The following SYT12 variants were observed in gnomAD, a reference collection of about 807,000 sequenced individuals.
The protein encoded by SYT12 is synaptotagmin 12, also known as synaptotagmin-12.
A neutral mutation model predicts 39.5 loss-of-function variants in SYT12; 27 were observed. The ratio of observed to expected loss-of-function variants is 0.68; its 90% CI spans 0.50 to 0.94. SYT12 has a LOEUF of 0.94. SYT12 is among the 40% of genes least tolerant of loss of function. The probability of loss-of-function intolerance (pLI) is 0.00; values close to 1 mark genes in which losing one functional copy is unlikely to be tolerated. For missense variants in SYT12, 536 were observed against 572.6 expected, an observed-to-expected ratio of 0.94 and a Z score of 0.65; for synonymous variants, 233 against 239.7, an observed-to-expected ratio of 0.97 and a Z score of 0.26.
chr11:67,037,959 G>C lies in SYT12; in HGVS notation c.229-1852G>C, dbSNP rs565364885. On this transcript the variant is annotated intron_variant, in intron 3 of 7. Transcript: ENST00000527043. ...GGTCCTGGACACTTGGGAGAGTGAG[G>C]GGGGAGGATCGCTTGGGCCCAGAAG... is the stretch of plus-strand genomic sequence containing the variant. 1.8e-3 allele frequency among the ~76,000 whole-genome samples: 268 copies of C among 151,046 alleles called. 1 individual carries two copies. The highest frequency in any genetic ancestry group is 0.017 in the Middle Eastern group (5 of 294).
upstream of SYT12, chr11:67,021,778 G>A (rs536752149): frequency 1.3e-5 from 2 of 152,212 alleles, no homozygotes; most frequent in East Asian, 3.9e-4. Flanking sequence ...TGTGAAGGTT[G>A]AGTTAAATGG....
In SYT12 at chr11:67,023,232, C is replaced by T. The variant is rs1950133264; in HGVS notation, c.-252C>T. Reference sequence around the variant, plus strand: ...GCAAGCGGGCGAGCGCGAGGGAGCGCGCGGCGGGCTCCTGGGAGCGTGCCC... The same window carrying T: ...GCAAGCGGGCGAGCGCGAGGGAGCGTGCGGCGGGCTCCTGGGAGCGTGCCC... On this transcript the variant is annotated 5_prime_UTR_variant, in exon 1 of 8. Transcript: ENST00000527043. The T allele has an allele frequency of 6.6e-6, 1 of 151,390 alleles. No individual in the cohort carries two copies. The highest frequency in any genetic ancestry group is 1.5e-5 in the Non-Finnish European group (1 of 67,822). 9.4% of individuals were successfully genotyped at this position (151,390 alleles called of 1,614,324 possible).
chr11:67,039,653 T>C (rs925410626), intron 3 of SYT12, among the ~76,000 whole-genome samples, 158 bp from the exon 4 acceptor site: 4 of 151,974 alleles, frequency 2.6e-5, no homozygotes, highest in African/African-American at 7.3e-5. Flanking sequence ...TGAAATAATA[T>C]TAAACAGCGA....
At position 67,049,917 on chromosome 11, in the gene SYT12, G is replaced by A. The variant is rs1160528975; in HGVS notation, c.*1160G>A. 6.6e-6 allele frequency: 1 copy of A among 152,252 alleles called. No homozygotes were observed. Among genetic ancestry groups the A allele is most frequent in the Non-Finnish European group, 1.5e-5 (1 of 68,058 alleles). 9.4% of individuals were successfully genotyped at this position (152,252 alleles called of 1,614,324 possible). A position where few individuals can be genotyped will look rare whatever the true frequency, so the allele number is the denominator to read the frequency against. On this transcript the variant is annotated 3_prime_UTR_variant, in exon 8 of 8. Transcript: ENST00000527043. ...GGTGCCCCCGACACCGGGTCTCCTAGCTTGAGTTCCCTAGAAGCGAAATCT... is the reference window on the plus strand; with the variant it reads ...GGTGCCCCCGACACCGGGTCTCCTAACTTGAGTTCCCTAGAAGCGAAATCT...
At chr11:67,007,955 CTT>C (rs747885357) in intron 1 of SYT12, among the ~76,000 whole-genome samples, 79 of 137,062 alleles carry the variant, frequency 5.8e-4, no homozygotes, top group African/African-American at 1.8e-3. Context: ...GAAGCCCTAA[CTT>C]TTTTTTTTTT....
rs900841277 is a variant in SYT12, at chr11:67,049,170, T to G, written c.*413T>G. On this transcript the variant is annotated 3_prime_UTR_variant, in exon 8 of 8. Coordinates refer to ENST00000527043, the MANE Select transcript of SYT12 (RefSeq NM_177963.4). ...CCCCTGCCCCGGAGGATCTGCTCAG[T>G]GCTGATGGCAGCCCAGCTGTGTGGA... is the stretch of plus-strand genomic sequence containing the variant. 1 of 165,524 alleles carries G rather than the reference T, an allele frequency of 6.0e-6. No homozygotes were observed. The highest frequency in any genetic ancestry group is 1.3e-5 in the Non-Finnish European group (1 of 75,900). The allele number at this position is 165,524 out of a possible 1,614,324, so 10.3% of individuals were successfully genotyped here. A position where few individuals can be genotyped will look rare whatever the true frequency, so the allele number is the denominator to read the frequency against.
chr11:67,043,901 T>C, intron 5 of SYT12, 48 bp downstream of exon 5: 7 of 1,556,750 alleles, frequency 4.5e-6, no homozygotes, highest in Non-Finnish European at 6.2e-6. Context: ...TGCACACACA[T>C]ACACTTCCAG....
At chr11:67,024,513 A>T (rs1194213526) in intron 1 of SYT12, among the ~76,000 whole-genome samples, 1 of 152,096 alleles carries the variant, frequency 6.6e-6, no homozygotes, top group East Asian at 1.9e-4. Context: ...GACAAATAAA[A>T]CACATCTGTA....
chr11:67,030,004 C>A, intron 1 of SYT12, 118 bp from the exon 2 acceptor site: 1 of 779,032 alleles, frequency 1.3e-6, no homozygotes, highest in Non-Finnish European at 2.1e-6. Flanking sequence ...GGTGGCACTC[C>A]CCTTATAGCT....
upstream of SYT12, among the ~76,000 whole-genome samples, chr11:67,018,588 C>T (rs564605037): frequency 4.6e-4 from 70 of 151,436 alleles, no homozygotes; most frequent in Non-Finnish European, 7.8e-4. Flanking sequence ...TTTGGGAGGC[C>T]GAGGCAGGCG....
intron 1 of SYT12, among the ~76,000 whole-genome samples, chr11:67,009,353 G>A (rs749473684): frequency 6.6e-6 from 1 of 151,922 alleles, no homozygotes; most frequent in Non-Finnish European, 1.5e-5. Context: ...GAGGGCAGTG[G>A]CTCGATCTTG....
intron 3 of SYT12, among the ~76,000 whole-genome samples, chr11:67,014,128 T>C (rs1321434158): frequency 1.3e-5 from 2 of 152,224 alleles, no homozygotes; most frequent in Non-Finnish European, 2.9e-5. Flanking sequence ...TGATTACAGC[T>C]TGAGATCCTT....
chr11:67,029,985 C>G, intron 1 of SYT12, 137 bp from the exon 2 acceptor site: 1 of 652,598 alleles, frequency 1.5e-6, no homozygotes, highest in Non-Finnish European at 2.6e-6. Flanking sequence ...AAATGCCAAG[C>G]CTCCCTTTGG....
At chr11:67,047,827 G>C (rs1020005671) in intron 7 of SYT12, among the ~76,000 whole-genome samples, 1 of 111,900 alleles carries the variant, frequency 8.9e-6, no homozygotes, top group African/African-American at 3.5e-5. Flanking sequence ...TCGCTCTTTC[G>C]CCCAGGCTGG....
rs144744587 is a variant in SYT12 at position 67,045,806 on chromosome 11, G to A, written c.1021G>A (p.Val341Met). 54 of 1,613,748 alleles carry A rather than the reference G, an allele frequency of 3.3e-5. No homozygotes were observed. Among genetic ancestry groups the A allele is most frequent in the Non-Finnish European group, 4.1e-5 (48 of 1,179,970 alleles). Residue 341 changes from valine to methionine, a missense_variant, in exon 7 of 8, where the codon GTG becomes ATG. Transcript: ENST00000527043. ...GRKMSKKKTA[V>M]KRDDPNPVFN... ...GAAGATGAGCAAAAAGAAGACAGCC[G>A]TGAAGAGGGATGACCCCAACCCGGT...
chr11:67,048,264 G>A (rs1258539728), intron 7 of SYT12, among the ~76,000 whole-genome samples: 1 of 142,332 alleles, frequency 7.0e-6, no homozygotes, highest in Non-Finnish European at 1.5e-5. Context: ...GAGTGAGACT[G>A]TCTCAAAAAA....
intron 1 of SYT12, among the ~76,000 whole-genome samples, chr11:67,008,023 G>A (rs1026917045): frequency 2.7e-5 from 4 of 149,248 alleles, no homozygotes; most frequent in Non-Finnish European, 5.9e-5. Flanking sequence ...GCCTGATCTC[G>A]GCTCAGTGCA....
chr11:67,040,174 C>G lies in SYT12; in HGVS notation c.592C>G (p.Pro198Ala). 1 of 1,588,862 alleles carries G rather than the reference C, an allele frequency of 6.3e-7. No individual in the cohort carries two copies. The highest frequency in any genetic ancestry group is 8.6e-7 in the Non-Finnish European group (1 of 1,164,316). Residue 198 changes from proline to alanine, a missense_variant, in exon 4 of 8, where the codon CCG becomes GCG. By Grantham distance (27) the Pro-to-Ala change is conservative (BLOSUM62 -1). Coordinates refer to ENST00000527043, the MANE Select transcript of SYT12 (RefSeq NM_177963.4). ...CTGCTTCATGCGCGTCAGCCTGCTG[C>G]CGGACGAGCAGATCGTGGGCATTTC... ...ESCFMRVSLL[P>A]DEQIVGISRI...
rs531173508 is a variant in SYT12 at position 67,026,033 on chromosome 11, G to A, written c.-24+2573G>A. 2.6e-5 allele frequency among the ~76,000 whole-genome samples: 4 copies of A among 152,006 alleles called. No individual in the cohort carries two copies. The South Asian group carries it at 8.3e-4, about 32-fold the overall frequency. On this transcript the variant is annotated intron_variant, in intron 1 of 7. Transcript: ENST00000527043. ...GATCACACCACTTCATTCCAGCCTG[G>A]GTGAAAGAGCGAAACTCCGTCTCAA...
Sources: gnomAD v4.1 joint callset for allele counts (sites outside exome capture counted in the v4.1 genomes callset) on GRCh38, gnomAD v4.1.1 for gene constraint, MANE v1.5 for transcripts, NCBI Gene and HGNC (gene_info 2026-07-23, HGNC 2026-07-21) for gene names.